SLC17A5: variants seen among roughly 807,000 people sequenced by gnomAD.
The protein encoded by SLC17A5 is solute carrier family 17 member 5.
A neutral mutation model predicts 59.4 loss-of-function variants in SLC17A5; 47 were observed. That is an observed-to-expected ratio of 0.79 (90% confidence interval 0.63 to 1.01). The LOEUF (loss-of-function observed/expected upper bound fraction) is 1.01. Among genes scored for constraint, SLC17A5 ranks in the 50% least tolerant of loss-of-function variants. The pLI is 0.00. For missense variants in SLC17A5, 522 were observed against 595.5 expected, an observed-to-expected ratio of 0.88 and a Z score of 1.28; for synonymous variants, 202 against 210.7, an observed-to-expected ratio of 0.96 and a Z score of 0.36.
chr6:73,653,578 G>A, intron 1 of SLC17A5: 1 of 785,550 alleles, frequency 1.3e-6, no homozygotes, highest in Non-Finnish European at 1.5e-6. Context: ...CGCGATCACG[G>A]TCGCGGCCCC....
chr6:73,615,880 CTTTT>C (rs71674685), intron 7 of SLC17A5, among the ~76,000 whole-genome samples: 10 of 97,598 alleles, frequency 1.0e-4, no homozygotes, highest in African/African-American at 2.7e-4. Context: ...ATGAATCATT[CTTTT>C]TTTTTTTTTT....
Position 73,594,021 on chromosome 6 carries a change from T to C in SLC17A5, c.*1056A>G, listed in dbSNP as rs938117850. On this transcript the variant is annotated 3_prime_UTR_variant, in exon 11 of 11. Coordinates refer to ENST00000355773, the MANE Select transcript of SLC17A5 (RefSeq NM_012434.5). ...TGGGCATCGCACTTTTCTTTCTTTA[T>C]TCTTTTTTTTTTTTTGAGTTGGAGT... The C allele has an allele frequency of 6.6e-6, 1 of 151,946 alleles. No homozygotes were observed. Among genetic ancestry groups the C allele is most frequent in the Non-Finnish European group, 1.5e-5 (1 of 67,982 alleles). The allele number at this position is 151,946 out of a possible 1,614,324, so 9.4% of individuals were successfully genotyped here.
chr6:73,600,787 C>T (rs1483909550), intron 9 of SLC17A5, among the ~76,000 whole-genome samples: 1 of 152,168 alleles, frequency 6.6e-6, no homozygotes, highest in Non-Finnish European at 1.5e-5. Context: ...AAGTATGAGC[C>T]ACAGCGCCTG....
intron 7 of SLC17A5, among the ~76,000 whole-genome samples, chr6:73,619,824 C>A (rs2150096962): frequency 6.6e-6 from 1 of 151,186 alleles, no homozygotes; most frequent in South Asian, 2.1e-4. Flanking sequence ...ATATATAGTT[C>A]TTCCTGGAAA....
intron 6 of SLC17A5, among the ~76,000 whole-genome samples, chr6:73,623,660 ATTTTTATTTATT>A (rs1404616235): frequency 2.1e-3 from 291 of 137,308 alleles, no homozygotes; most frequent in African/African-American, 7.4e-3. Context: ...AGTGTCTTTT[ATTTTTATTTATT>A]TATTTATTTA....
chr6:73,634,592 G>T (rs1005136290), intron 6 of SLC17A5, among the ~76,000 whole-genome samples: 2 of 152,084 alleles, frequency 1.3e-5, no homozygotes, highest in Admixed American at 6.6e-5. Context: ...CAGAGATGGG[G>T]TTTTGTCATG....
intron 9 of SLC17A5, among the ~76,000 whole-genome samples, chr6:73,605,729 G>A (rs147752990): frequency 0.11 from 16,225 of 151,492 alleles, 1,049 homozygotes; most frequent in Middle Eastern, 0.18. Flanking sequence ...TGTAATCCTA[G>A]CACTTTGGGA....
rs534182003 is a variant in SLC17A5 at position 73,630,690 on chromosome 6, C to T, written c.819+4692G>A. The stretch of plus-strand genomic sequence containing the variant: ...AGAGCAACACCCAACAGCCACATTT[C>T]CTAGAAGGTGTCACTCTCTCTCTAG... On this transcript the variant is annotated intron_variant, in intron 6 of 10. Transcript: ENST00000355773. Among the ~76,000 whole-genome samples the T allele has an allele frequency of 1.4e-3, 206 of 152,180 alleles. 2 individuals are homozygous for T. Among genetic ancestry groups the T allele is most frequent in the Non-Finnish European group, 4.0e-4 (27 of 67,998 alleles).
At chr6:73,599,744 A>T (rs1441113839) in intron 10 of SLC17A5, among the ~76,000 whole-genome samples, 2 of 152,218 alleles carry the variant, frequency 1.3e-5, no homozygotes, top group South Asian at 4.1e-4. Context: ...TATCTGTCGG[A>T]TATATGTCTG....
chr6:73,635,559 C>A, intron 5 of SLC17A5, 59 bp from the exon 6 acceptor site: 1 of 868,228 alleles, frequency 1.2e-6, no homozygotes, highest in Admixed American at 2.7e-5. Context: ...ACAAACAAAA[C>A]AAAACAAAAA....
intron 6 of SLC17A5, among the ~76,000 whole-genome samples, chr6:73,626,283 G>A (rs1768410024): frequency 6.6e-6 from 1 of 152,106 alleles, no homozygotes; most frequent in East Asian, 1.9e-4. Flanking sequence ...CCCTTCACAT[G>A]GCAGGTTCTC....
chr6:73,603,489 T>C (rs1365741750), intron 9 of SLC17A5, among the ~76,000 whole-genome samples: 1 of 151,266 alleles, frequency 6.6e-6, no homozygotes, highest in Non-Finnish European at 1.5e-5. Context: ...GGTGTGATCT[T>C]GGCTCATTAC....
chr6:73,601,688 G>T (rs1767113669), intron 9 of SLC17A5, among the ~76,000 whole-genome samples: 1 of 103,562 alleles, frequency 9.7e-6, no homozygotes, highest in Non-Finnish European at 2.1e-5. Flanking sequence ...GGAGGGAGGT[G>T]GGGTGGTCAG....
At chr6:73,637,772 C>T (rs1338319863) in intron 4 of SLC17A5, among the ~76,000 whole-genome samples, 1 of 152,076 alleles carries the variant, frequency 6.6e-6, no homozygotes, top group Non-Finnish European at 1.5e-5. Flanking sequence ...CACAGAGAGG[C>T]CTTTTCTCAA....
chr6:73,639,765 G>C (rs975577545), intron 3 of SLC17A5, among the ~76,000 whole-genome samples: 7 of 152,172 alleles, frequency 4.6e-5, no homozygotes, highest in African/African-American at 1.7e-4. Flanking sequence ...TTAGTTGTTG[G>C]CTGGACACGG....
At chr6:73,642,405 A>G (rs1387113245) in intron 2 of SLC17A5, among the ~76,000 whole-genome samples, 1 of 152,216 alleles carries the variant, frequency 6.6e-6, no homozygotes, top group African/African-American at 2.4e-5. Flanking sequence ...TCCTAGCTCT[A>G]TTACTTACCG....
intron 5 of SLC17A5, among the ~76,000 whole-genome samples, chr6:73,636,099 T>C (rs1768981019): frequency 6.6e-6 from 1 of 152,170 alleles, no homozygotes; most frequent in Admixed American, 6.6e-5. Flanking sequence ...ACAAATCTTT[T>C]TGAAGATACA....
At position 73,635,564 on chromosome 6, in the gene SLC17A5, C is replaced by T; in HGVS notation, c.701-64G>A. ...GTACCAAATAACAAACAAAACAAAA[C>T]AAAAACACAAAATTAGAAAGCACCA... is the stretch of plus-strand genomic sequence containing the variant. On this transcript the variant is annotated intron_variant, in intron 5 of 10. Coordinates refer to ENST00000355773, the MANE Select transcript of SLC17A5 (RefSeq NM_012434.5). The T allele has an allele frequency of 2.5e-6, 2 of 801,568 alleles. 1 individual carries two copies. The highest frequency in any genetic ancestry group is 3.3e-5 in the South Asian group (2 of 60,038). 49.7% of individuals were successfully genotyped at this position (801,568 alleles called of 1,614,324 possible).
At chr6:73,639,568 T>C (rs1025318241) in intron 3 of SLC17A5, among the ~76,000 whole-genome samples, 12 of 152,206 alleles carry the variant, frequency 7.9e-5, no homozygotes, top group African/African-American at 2.9e-4. Flanking sequence ...CCCACAGAGA[T>C]TATGTTGTAG....
Sources: gnomAD v4.1 joint callset for allele counts (sites outside exome capture counted in the v4.1 genomes callset) on GRCh38, gnomAD v4.1.1 for gene constraint, MANE v1.5 for transcripts, NCBI Gene and HGNC (gene_info 2026-07-23, HGNC 2026-07-21) for gene names.